The following COL14A1 variants were observed in gnomAD, a reference collection of about 807,000 sequenced individuals.
COL14A1 encodes collagen type XIV alpha 1 chain, also known as collagen alpha-1(XIV) chain.
Under a neutral mutation model 230.3 loss-of-function variants are expected in COL14A1, and 136 were observed. The ratio of observed to expected loss-of-function variants is 0.59; its 90% confidence interval spans 0.51 to 0.68. The LOEUF (loss-of-function observed/expected upper bound fraction) is 0.68. Among genes scored for constraint, COL14A1 ranks in the 30% least tolerant of loss-of-function variants. The pLI is 0.00. For missense variants in COL14A1, 1,976 were observed against 2,215.8 expected (o/e 0.89, Z 2.17); for synonymous variants, 792 against 784.1 (o/e 1.01, Z -0.17).
chr8:120,320,360 A>T (rs1821395416), intron 40 of COL14A1, among the ~76,000 whole-genome samples: 1 of 152,150 alleles, frequency 6.6e-6, no homozygotes, highest in Non-Finnish European at 1.5e-5. Flanking sequence ...GAAATACAAA[A>T]ATTCTTTTTT....
Position 120,203,846 on chromosome 8 carries a change from G to T in COL14A1, c.1015G>T (p.Glu339Ter). 2.5e-6 allele frequency: 4 copies of T among 1,613,866 alleles called. No homozygotes were observed. Among genetic ancestry groups the T allele is most frequent in the Non-Finnish European group, 3.4e-6 (4 of 1,179,840 alleles). Reference protein sequence around the residue: ...SLTRTLCSRVEEQDREIKASA... With the variant: ...SLTRTLCSRV ...GACCAGGACTCTCTGCTCTAGAGTG[G>T]AAGAACAGGACAGAGAAATTAAAGG... The change falls in exon 9 of 48, where the codon GAA (glutamate) becomes TAA (stop). Residue 339 changes from glutamate to a stop codon, truncating the protein, a stop_gained. Coordinates refer to ENST00000297848, the MANE Select transcript of COL14A1 (RefSeq NM_021110.4). LOFTEE classifies it high-confidence loss of function.
At chr8:120,313,862 G>A (rs1280753137) in intron 37 of COL14A1, 70 bp from the exon 38 acceptor site, 3 of 930,970 alleles carry the variant, frequency 3.2e-6, no homozygotes, top group South Asian at 1.5e-5. Flanking sequence ...ATTGTCCTAA[G>A]CAGAAATATT....
At chr8:120,260,660 A>G (rs923390628) in intron 23 of COL14A1, among the ~76,000 whole-genome samples, 3 of 152,156 alleles carry the variant, frequency 2.0e-5, no homozygotes, top group Admixed American at 1.3e-4. Flanking sequence ...TTGTTTTTTC[A>G]TGGTAGCAGT....
In COL14A1 at chr8:120,262,909, A is replaced by T; in HGVS notation, c.2911A>T (p.Arg971Trp). 6.2e-7 allele frequency: 1 copy of T among 1,613,672 alleles called. No homozygotes were observed. Among genetic ancestry groups the T allele is most frequent in the Non-Finnish European group, 8.5e-7 (1 of 1,179,850 alleles). ...ATCCACTGTGGGTGGAGGGACAACCAGGCATTGCTTCTATGGACTTCAGCC... is the reference window on the plus strand; with the variant it reads ...ATCCACTGTGGGTGGAGGGACAACCTGGCATTGCTTCTATGGACTTCAGCC... Reference protein sequence around the residue: ...QESTVGGGTTRHCFYGLQPDS... With the variant: ...QESTVGGGTTWHCFYGLQPDS... The change falls in exon 24 of 48, where the codon AGG (arginine) becomes TGG (tryptophan). Residue 971 changes from arginine to tryptophan, a missense_variant. Physicochemically the swap from Arg to Trp is moderately radical, Grantham distance 101. Transcript: ENST00000297848.
At chr8:120,140,309 A>G (rs1814859709) in intron 1 of COL14A1, among the ~76,000 whole-genome samples, 1 of 150,308 alleles carries the variant, frequency 6.7e-6, no homozygotes, top group Admixed American at 6.7e-5. Context: ...AAGTGAGCTC[A>G]CCTAAGGTTC....
Position 120,225,163 on chromosome 8 carries a change from T to TATGATGAAGG in COL14A1, c.1813_1814insATGATGAAGG (p.Ser605TyrfsTer7). On this transcript the variant is annotated frameshift_variant, in exon 15 of 48. Transcript: ENST00000297848. LOFTEE classifies it high-confidence loss of function. ...CACAGAGTATACTATTGCTATTTTC[T>TATGATGAAGG]CCATCTATGATGAAGGACAGTCAGA... is the stretch of plus-strand genomic sequence containing the variant. 1 of 1,613,082 alleles carries TATGATGAAGG rather than the reference T, an allele frequency of 6.2e-7. No homozygotes were observed. The highest frequency in any genetic ancestry group is 8.5e-7 in the Non-Finnish European group (1 of 1,179,670).
At chr8:120,228,919 A>G (rs2130810295) in intron 18 of COL14A1, 150 bp downstream of exon 18, 1 of 659,810 alleles carries the variant, frequency 1.5e-6, no homozygotes, top group East Asian at 2.8e-5. Flanking sequence ...CGCCTCTCAG[A>G]GCCTCTCAAC....
chr8:120,355,633 G>A (rs1056057999), intron 45 of COL14A1, among the ~76,000 whole-genome samples: 1 of 151,796 alleles, frequency 6.6e-6, no homozygotes, highest in Non-Finnish European at 1.5e-5. Context: ...GGCTAGTCTC[G>A]AACTCCTAAC....
At chr8:120,206,039 T>G (rs1460760808) in intron 9 of COL14A1, among the ~76,000 whole-genome samples, 3 of 152,224 alleles carry the variant, frequency 2.0e-5, no homozygotes, top group Non-Finnish European at 4.4e-5. Flanking sequence ...ATTTAGTATA[T>G]GTTAGTTGCT....
chr8:120,353,547 A>C (rs1272299867), intron 45 of COL14A1, among the ~76,000 whole-genome samples: 11 of 150,720 alleles, frequency 7.3e-5, no homozygotes, highest in African/African-American at 2.5e-4. Context: ...TTTACAAGAA[A>C]AAAACAAACC....
intron 19 of COL14A1, among the ~76,000 whole-genome samples, chr8:120,233,404 T>C (rs1818342078): frequency 6.6e-6 from 1 of 152,214 alleles, no homozygotes; most frequent in African/African-American, 2.4e-5. Context: ...GTTTTATGTC[T>C]TATGTTTAAA....
At chr8:120,292,209 C>T (rs1461309890) in intron 34 of COL14A1, among the ~76,000 whole-genome samples, 1 of 152,076 alleles carries the variant, frequency 6.6e-6, no homozygotes, top group Non-Finnish European at 1.5e-5. Context: ...TAAATATCAA[C>T]TAATTTCTTT....
chr8:120,280,697 G>A lies in COL14A1; in HGVS notation c.3647-14G>A. 1 of 1,612,346 alleles carries A rather than the reference G, an allele frequency of 6.2e-7. No homozygotes were observed. Among genetic ancestry groups the A allele is most frequent in the African/African-American group, 1.3e-5 (1 of 74,928 alleles). On this transcript the variant is annotated splice_polypyrimidine_tract_variant and intron_variant, in intron 29 of 47. Transcript: ENST00000297848. ...TCCGAATTAGAGTTTTATTTTGTTT[G>A]TTTGGTTTTCCAGCCTGTCCAGTGG...
At chr8:120,298,597 T>TTATTTATA (rs1554620765) in intron 35 of COL14A1, among the ~76,000 whole-genome samples, 3 of 57,998 alleles carry the variant, frequency 5.2e-5, no homozygotes, top group African/African-American at 2.1e-4. Flanking sequence ...CCCATATATT[T>TTATTTATA]TATATATATA....
chr8:120,177,053 C>G (rs4870721), intron 5 of COL14A1, among the ~76,000 whole-genome samples: 37,556 of 151,974 alleles, frequency 0.25, 5,013 homozygotes, highest in African/African-American at 0.34. Flanking sequence ...AATGCATAAC[C>G]TTGGGCCTGT....
intron 21 of COL14A1, among the ~76,000 whole-genome samples, chr8:120,250,204 C>T (rs983366): frequency 6.6e-6 from 1 of 152,190 alleles, no homozygotes; most frequent in Admixed American, 6.5e-5. Context: ...ATGGCCTGGT[C>T]TCCATGATAA....
intron 26 of COL14A1, 33 bp from the exon 27 acceptor site, chr8:120,278,078 A>G (rs768863753): frequency 6.3e-7 from 1 of 1,574,806 alleles, no homozygotes. Context: ...AAGTCTACAT[A>G]TGTGTGAAAA....
chr8:120,333,582 T>C (rs1821942913), intron 42 of COL14A1, among the ~76,000 whole-genome samples: 1 of 152,264 alleles, frequency 6.6e-6, no homozygotes, highest in Non-Finnish European at 1.5e-5. Context: ...TGGAAGCATC[T>C]AGTGAATTAG....
At chr8:120,265,357 C>T (rs550738410) in intron 24 of COL14A1, among the ~76,000 whole-genome samples, 1 of 152,108 alleles carries the variant, frequency 6.6e-6, no homozygotes, top group South Asian at 2.1e-4. Context: ...TAAAAAATGG[C>T]TTTAGAAACA....
Sources: gnomAD v4.1 joint callset for allele counts (sites outside exome capture counted in the v4.1 genomes callset) on GRCh38, gnomAD v4.1.1 for gene constraint, MANE v1.5 for transcripts, NCBI Gene and HGNC (gene_info 2026-07-23, HGNC 2026-07-21) for gene names.